The following ZHX2 variants were observed in gnomAD, a reference collection of about 807,000 sequenced individuals.
ZHX2 encodes the protein zinc fingers and homeoboxes protein 2.
Under a neutral mutation model 21.9 loss-of-function variants are expected in ZHX2, and 6 were observed. The observed-to-expected ratio is 0.27, with a 90% CI of 0.15 to 0.54. The LOEUF (loss-of-function observed/expected upper bound fraction) is 0.54. Among genes scored for constraint, ZHX2 ranks in the 20% least tolerant of loss-of-function variants. The pLI, the probability that ZHX2 is intolerant of heterozygous loss-of-function variation, is 0.95. For missense variants in ZHX2, 908 were observed against 1,090.7 expected, an observed-to-expected ratio of 0.83 and a Z score of 2.36; for synonymous variants, 434 against 437.1, an observed-to-expected ratio of 0.99 and a Z score of 0.09.
intron 2 of ZHX2, among the ~76,000 whole-genome samples, chr8:122,897,076 A>G (rs1011864530): frequency 5.3e-5 from 8 of 152,172 alleles, no homozygotes; most frequent in Non-Finnish European, 1.2e-4. Flanking sequence ...TTCCTTGGCA[A>G]CTTGATAGAC....
intron 1 of ZHX2, among the ~76,000 whole-genome samples, chr8:122,820,445 G>T (rs555564249): frequency 4.6e-5 from 7 of 152,314 alleles, no homozygotes; most frequent in South Asian, 4.1e-4. Context: ...GAACGCCGCC[G>T]AATTATAAAT....
At chr8:122,847,368 C>T (rs1471906552) in intron 1 of ZHX2, among the ~76,000 whole-genome samples, 1 of 152,236 alleles carries the variant, frequency 6.6e-6, no homozygotes, top group Non-Finnish European at 1.5e-5. Context: ...CCCAGGTGGC[C>T]TTCCCTCTGC....
chr8:122,925,377 A>T (rs1820825194), intron 2 of ZHX2, among the ~76,000 whole-genome samples: 2 of 152,170 alleles, frequency 1.3e-5, no homozygotes, highest in African/African-American at 2.4e-5. Flanking sequence ...AGCAGGCCCC[A>T]GTTCTTAGTG....
At chr8:122,882,748 G>A (rs897261874) in intron 2 of ZHX2, among the ~76,000 whole-genome samples, 1 of 152,190 alleles carries the variant, frequency 6.6e-6, no homozygotes, top group South Asian at 2.1e-4. Flanking sequence ...TTGGGAGGCT[G>A]AGGTGGGAGG....
rs572488442 is a variant in ZHX2 at position 122,820,688 on chromosome 8, T to A, written c.-283+38742T>A. 2.0e-5 allele frequency among the ~76,000 whole-genome samples: 3 copies of A among 152,290 alleles called. No homozygotes were observed. In the East Asian group the frequency reaches 5.8e-4, roughly 29 times the overall value. ...GCAGAATGACTCCTGATTTTATGCATTTTTATAAGCTGAATAAGAATGGAA... is the reference window on the plus strand; with the variant it reads ...GCAGAATGACTCCTGATTTTATGCAATTTTATAAGCTGAATAAGAATGGAA... On this transcript the variant is annotated intron_variant, in intron 1 of 3. Transcript: ENST00000314393.
intron 1 of ZHX2, among the ~76,000 whole-genome samples, chr8:122,862,224 G>A (rs1341044861): frequency 6.6e-6 from 1 of 152,172 alleles, no homozygotes; most frequent in Non-Finnish European, 1.5e-5. Flanking sequence ...ACAAAGCCAG[G>A]TCTGACTGCA....
In ZHX2 at chr8:122,921,844, G is replaced by C. The variant is rs535428548; in HGVS notation, c.-219-29448G>C. Among the ~76,000 whole-genome samples the C allele has an allele frequency of 4.6e-5, 7 of 151,850 alleles. No individual in the cohort carries two copies. In the South Asian group the frequency reaches 1.5e-3, roughly 32 times the overall value. On this transcript the variant is annotated intron_variant, in intron 2 of 3. Transcript: ENST00000314393. Reference sequence around the variant, plus strand: ...GTGAAGTATACCTCAGTAAAGCTCAGGGGCAAAAAAAAGAGATGAGTCGAT... The same window carrying C: ...GTGAAGTATACCTCAGTAAAGCTCACGGGCAAAAAAAAGAGATGAGTCGAT...
At chr8:122,944,191 G>A (rs1035439219) in intron 2 of ZHX2, among the ~76,000 whole-genome samples, 1 of 152,130 alleles carries the variant, frequency 6.6e-6, no homozygotes, top group Non-Finnish European at 1.5e-5. Context: ...TGGACAGACT[G>A]GTCAAATCCC....
chr8:122,822,276 C>T (rs1252055891), intron 1 of ZHX2, among the ~76,000 whole-genome samples: 2 of 152,170 alleles, frequency 1.3e-5, no homozygotes, highest in Non-Finnish European at 2.9e-5. Context: ...AAGACCTCCA[C>T]TTGGGTTGCT....
chr8:122,819,081 C>T (rs554790699), intron 1 of ZHX2, among the ~76,000 whole-genome samples: 3 of 152,210 alleles, frequency 2.0e-5, no homozygotes, highest in Admixed American at 6.5e-5. Context: ...CAGCCTCCAT[C>T]TGCAAGGAGC....
chr8:122,920,189 G>A (rs142953878), intron 2 of ZHX2, among the ~76,000 whole-genome samples: 2,110 of 152,152 alleles, frequency 0.014, 18 homozygotes, highest in Non-Finnish European at 0.023. Context: ...CAGGAGAATC[G>A]CTTGAACCTG....
At chr8:122,934,619 C>T (rs1042791610) in intron 2 of ZHX2, among the ~76,000 whole-genome samples, 3 of 142,902 alleles carry the variant, frequency 2.1e-5, no homozygotes, top group Non-Finnish European at 3.0e-5. Context: ...TCCTTCCTTC[C>T]TTCTTTCCTT....
intron 2 of ZHX2, among the ~76,000 whole-genome samples, chr8:122,951,062 A>G (rs910843610): frequency 6.6e-6 from 1 of 151,890 alleles, no homozygotes; most frequent in Non-Finnish European, 1.5e-5. Context: ...TGAAATGGTG[A>G]CCCTCATCCA....
chr8:122,905,375 C>A (rs973230827), intron 2 of ZHX2, among the ~76,000 whole-genome samples: 1 of 150,596 alleles, frequency 6.6e-6, no homozygotes, highest in Admixed American at 6.6e-5. Context: ...GGAAATGGCA[C>A]AACATTTTTT....
chr8:122,922,765 G>A (rs907549934), intron 2 of ZHX2, among the ~76,000 whole-genome samples: 7 of 152,200 alleles, frequency 4.6e-5, no homozygotes, highest in African/African-American at 1.7e-4. Flanking sequence ...CAACATCTCT[G>A]AGCTTCCAGT....
At chr8:122,965,443 G>A (rs576526158) in intron 3 of ZHX2, among the ~76,000 whole-genome samples, 33 of 152,128 alleles carry the variant, frequency 2.2e-4, no homozygotes, top group Admixed American at 7.9e-4. Context: ...TAACTTCCAC[G>A]TATTTGTATA....
intron 1 of ZHX2, among the ~76,000 whole-genome samples, chr8:122,839,868 G>A (rs940085956): frequency 1.8e-4 from 27 of 152,206 alleles, no homozygotes. Flanking sequence ...TTTAAACTTT[G>A]TGTTGTGGAG....
intron 2 of ZHX2, among the ~76,000 whole-genome samples, chr8:122,938,290 G>T (rs373980170): frequency 6.6e-6 from 1 of 152,120 alleles, no homozygotes; most frequent in African/African-American, 2.4e-5. Flanking sequence ...GTGGAGAGTG[G>T]CCACTCCAGC....
At chr8:122,863,779 C>G (rs960968622) in intron 2 of ZHX2, among the ~76,000 whole-genome samples, 3 of 152,308 alleles carry the variant, frequency 2.0e-5, no homozygotes, top group African/African-American at 7.2e-5. Flanking sequence ...ACTGTCCTCC[C>G]TCTGCTCTGA....
Sources: allele counts gnomAD v4.1 joint callset (sites outside exome capture counted in the v4.1 genomes callset), GRCh38; gene constraint gnomAD v4.1.1; transcripts MANE v1.5; gene names NCBI Gene and HGNC (gene_info 2026-07-23, HGNC 2026-07-21).